The following PCDHA1 variants were observed in gnomAD, a reference collection of about 807,000 sequenced individuals.
PCDHA1 encodes protocadherin alpha 1.
In PCDHA1, 42 loss-of-function variants were observed where a neutral mutation model predicts 61.3. The ratio of observed to expected loss-of-function variants is 0.69; its 90% CI spans 0.54 to 0.89. The LOEUF (loss-of-function observed/expected upper bound fraction) is 0.89, where lower values mean the gene tolerates loss of function less well. Ranked by LOEUF, PCDHA1 falls within the 40% of genes least tolerant of loss-of-function variation. The probability of loss-of-function intolerance (pLI) is 0.00; values close to 1 mark genes in which losing one functional copy is unlikely to be tolerated. For missense variants in PCDHA1, 1,256 were observed against 1,235.3 expected, an observed-to-expected ratio of 1.02 and a Z score of -0.25; for synonymous variants, 610 against 553.8, an observed-to-expected ratio of 1.10 and a Z score of -1.43.
At position 140,787,568 on chromosome 5, in the gene PCDHA1, C is replaced by T; in HGVS notation, c.1278C>T (p.Thr426=). 3 of 1,614,176 alleles carry T rather than the reference C, an allele frequency of 1.9e-6. No individual in the cohort carries two copies. The highest frequency in any genetic ancestry group is 2.5e-6 in the Non-Finnish European group (3 of 1,180,040). ...TGTCGGTCTATGAGCTGGTGGTGAC[C>T]GCGCGGGACGGGGGCTCGCCTTCGC... ...ESLSVYELVV[T]ARDGGSPSLW... Residue 426 remains threonine, a synonymous_variant, in exon 1 of 4, where the codon ACC becomes ACT. Transcript: ENST00000504120.
At chr5:140,828,561 C>G (rs2150156811) in intron 1 of PCDHA1, 1 of 1,614,178 alleles carries the variant, frequency 6.2e-7, no homozygotes, top group Admixed American at 1.7e-5. Flanking sequence ...CTGGAGGGCG[C>G]GTCCGATGCA....
rs782329809 is a variant in PCDHA1 at position 140,857,982 on chromosome 5, G to A, written c.2394+69298G>A. 7 of 1,596,582 alleles carry A rather than the reference G, an allele frequency of 4.4e-6. 1 individual carries two copies. In the Admixed American group the frequency reaches 5.1e-5, roughly 12 times the overall value. ...GATGAGACTGACTCGCCACGCCAGC[G>A]CCTACTGGTGCTGGTGAAGGACCAT... On this transcript the variant is annotated intron_variant, in intron 1 of 3. Coordinates refer to ENST00000504120, the MANE Select transcript of PCDHA1 (RefSeq NM_018900.4).
intron 1 of PCDHA1, chr5:140,867,711 G>T (rs1202135456): frequency 2.0e-5 from 3 of 151,816 alleles, no homozygotes; most frequent in Non-Finnish European, 2.9e-5. Flanking sequence ...AATCCTAAGG[G>T]TATATGAAAA....
chr5:140,881,283 A>T, intron 1 of PCDHA1: 1 of 799,388 alleles, frequency 1.3e-6, no homozygotes, highest in Non-Finnish European at 1.5e-6. Flanking sequence ...TAAGATGGAG[A>T]GAGAAAATGG....
chr5:140,869,283 G>A, intron 1 of PCDHA1: 2 of 1,613,602 alleles, frequency 1.2e-6, no homozygotes, highest in Non-Finnish European at 1.7e-6. Flanking sequence ...CGGAGCTGGT[G>A]CAGCGCCTGT....
chr5:140,913,103 G>A (rs2076206771), intron 1 of PCDHA1, among the ~76,000 whole-genome samples: 1 of 152,144 alleles, frequency 6.6e-6, no homozygotes, highest in Admixed American at 6.5e-5. Context: ...TGGCCTCATA[G>A]AATCAGTTTG....
intron 3 of PCDHA1, among the ~76,000 whole-genome samples, chr5:140,991,572 G>A (rs782016422): frequency 1.3e-4 from 20 of 152,144 alleles, no homozygotes; most frequent in Non-Finnish European, 2.9e-4. Flanking sequence ...TCCAATAACA[G>A]GCTCCTTATT....
intron 1 of PCDHA1, among the ~76,000 whole-genome samples, chr5:140,952,427 C>T (rs2094744253): frequency 6.6e-6 from 1 of 152,162 alleles, no homozygotes; most frequent in African/African-American, 2.4e-5. Flanking sequence ...CAGATTCCTA[C>T]AGCACAGGCA....
intron 1 of PCDHA1, among the ~76,000 whole-genome samples, chr5:140,961,680 C>T (rs989401730): frequency 3.3e-5 from 5 of 152,040 alleles, no homozygotes; most frequent in African/African-American, 4.8e-5. Flanking sequence ...TTAATTAAGC[C>T]GGAGTAGTCC....
chr5:140,806,904 C>T (rs1554123705), intron 1 of PCDHA1: 3 of 465,706 alleles, frequency 6.4e-6, no homozygotes, highest in South Asian at 6.5e-5. Flanking sequence ...TTCTCCGAAA[C>T]GACTGAAATA....
At position 140,836,054 on chromosome 5, in the gene PCDHA1, C is replaced by A. The variant is rs2150251582; in HGVS notation, c.2394+47370C>A. 2.2e-5 allele frequency: 36 copies of A among 1,613,478 alleles called. No homozygotes were observed. Among genetic ancestry groups the A allele is most frequent in the Admixed American group, 3.3e-5 (2 of 59,984 alleles). On this transcript the variant is annotated intron_variant, in intron 1 of 3. Transcript: ENST00000504120. The stretch of plus-strand genomic sequence containing the variant: ...TGACGCTGCAGGTGTTCGTGCTGGA[C>A]GAGAACGACAACGCGCCGGCACTGC...
chr5:140,851,268 G>T lies in PCDHA1; in HGVS notation c.2394+62584G>T, dbSNP rs2042007881. ...TGATGCATAGTATTTTAGTCTACTT[G>T]TATTGTTTATAAGAAACCCAAGCAA... On this transcript the variant is annotated intron_variant, in intron 1 of 3. Transcript: ENST00000504120. 2.8e-6 allele frequency: 3 copies of T among 1,069,204 alleles called. No homozygotes were observed. In the East Asian group the frequency reaches 1.3e-4, roughly 48 times the overall value. 66.2% of individuals were successfully genotyped at this position (1,069,204 alleles called of 1,614,324 possible).
rs2150350552 is a variant in PCDHA1 at position 140,843,029 on chromosome 5, G to A, written c.2394+54345G>A. ...CGCGCCGGCACTGCTGGAGCCTCGG[G>A]TGGGTGGCACTGGTGGCGCAGCGAG... On this transcript the variant is annotated intron_variant, in intron 1 of 3. Coordinates refer to ENST00000504120, the MANE Select transcript of PCDHA1 (RefSeq NM_018900.4). 4.4e-6 allele frequency: 7 copies of A among 1,595,258 alleles called. 1 individual carries two copies. Among genetic ancestry groups the A allele is most frequent in the Middle Eastern group, 1.7e-4 (1 of 5,902 alleles).
chr5:140,802,640 C>G lies in PCDHA1; in HGVS notation c.2394+13956C>G. 6.2e-7 allele frequency: 1 copy of G among 1,613,752 alleles called. No individual in the cohort carries two copies. The highest frequency in any genetic ancestry group is 1.7e-5 in the Admixed American group (1 of 60,024). On this transcript the variant is annotated intron_variant, in intron 1 of 3. Transcript: ENST00000504120. ...ACATCTTCACGGTGTCTGCGCGGGA[C>G]GCGGACGCGCAGGAGAACGCCCTGG... is the stretch of plus-strand genomic sequence containing the variant.
At chr5:140,982,159 G>A (rs1466298378) in intron 2 of PCDHA1, among the ~76,000 whole-genome samples, 1 of 152,262 alleles carries the variant, frequency 6.6e-6, no homozygotes, top group African/African-American at 2.4e-5. Flanking sequence ...GTATCGAGAT[G>A]TTAAAATGGC....
At chr5:140,937,798 G>A (rs782138454) in intron 1 of PCDHA1, among the ~76,000 whole-genome samples, 1 of 151,676 alleles carries the variant, frequency 6.6e-6, no homozygotes, top group African/African-American at 2.4e-5. Flanking sequence ...TGTAGTCCCA[G>A]CTACTCGGGA....
At chr5:140,829,634 G>A (rs2150171830) in intron 1 of PCDHA1, 2 of 1,612,200 alleles carry the variant, frequency 1.2e-6, no homozygotes, top group African/African-American at 2.7e-5. Context: ...CGCGGAGAGC[G>A]GCAAGGTGTA....
At chr5:140,912,613 T>C in intron 1 of PCDHA1, among the ~76,000 whole-genome samples, 1 of 152,290 alleles carries the variant, frequency 6.6e-6, no homozygotes, top group Middle Eastern at 3.4e-3. Flanking sequence ...TCTTGTCTGA[T>C]TACTCTGGAT....
chr5:140,893,150 A>G (rs1398784015), intron 1 of PCDHA1, among the ~76,000 whole-genome samples: 1 of 152,066 alleles, frequency 6.6e-6, no homozygotes, highest in Non-Finnish European at 1.5e-5. Context: ...TCATCTGTTG[A>G]TGGATATTGA....
Sources: gnomAD v4.1 joint callset for allele counts (sites outside exome capture counted in the v4.1 genomes callset) on GRCh38, gnomAD v4.1.1 for gene constraint, MANE v1.5 for transcripts, NCBI Gene and HGNC (gene_info 2026-07-23, HGNC 2026-07-21) for gene names.